Variants in RAPGEF4 observed in about 807,000 individuals in gnomAD.
RAPGEF4 encodes RAP guanine-nucleotide-exchange factor (GEF) 4.
A neutral mutation model predicts 147.9 loss-of-function variants in RAPGEF4; 66 were observed. The observed-to-expected ratio is 0.45, with a 90% CI of 0.37 to 0.55. RAPGEF4 has a LOEUF of 0.55. RAPGEF4 is among the 20% of genes least tolerant of loss of function. The pLI is 0.00. For synonymous variants in RAPGEF4, 419 were observed against 442.7 expected (o/e 0.95, Z 0.67); for missense variants, 1,071 against 1,257.3 (o/e 0.85, Z 2.24).
At chr2:172,943,683 C>CT (rs1575325949) in intron 6 of RAPGEF4, among the ~76,000 whole-genome samples, 1 of 152,352 alleles carries the variant, frequency 6.6e-6, no homozygotes, top group Non-Finnish European at 1.5e-5. Flanking sequence ...AATGGAATGG[C>CT]TTTACTCCTA....
chr2:172,966,725 C>T (rs1203339856), intron 9 of RAPGEF4, among the ~76,000 whole-genome samples: 1 of 152,192 alleles, frequency 6.6e-6, no homozygotes, highest in Non-Finnish European at 1.5e-5. Flanking sequence ...AGTATATGAT[C>T]TAGAAACCTG....
At chr2:172,865,366 A>G (rs1005900288) in intron 4 of RAPGEF4, among the ~76,000 whole-genome samples, 1 of 152,154 alleles carries the variant, frequency 6.6e-6, no homozygotes, top group African/African-American at 2.4e-5. Flanking sequence ...GCGTAGTCCA[A>G]ATAAAACCAA....
intron 4 of RAPGEF4, among the ~76,000 whole-genome samples, chr2:172,840,398 A>G (rs573846269): frequency 3.9e-5 from 6 of 152,244 alleles, no homozygotes; most frequent in Admixed American, 1.3e-4. Flanking sequence ...TTATCATAGC[A>G]GAGTACTATG....
intron 6 of RAPGEF4, among the ~76,000 whole-genome samples, chr2:172,953,633 G>C (rs1688441744): frequency 6.6e-6 from 1 of 152,026 alleles, no homozygotes; most frequent in African/African-American, 2.4e-5. Context: ...ATCCATAAAT[G>C]TTTTGTCACT....
chr2:172,923,316 T>G lies in RAPGEF4; in HGVS notation c.537+1016T>G, dbSNP rs149964285. Among the ~76,000 whole-genome samples the G allele has an allele frequency of 8.1e-4, 124 of 152,316 alleles. 1 individual carries two copies. The East Asian group carries it at 0.018, about 22-fold the overall frequency. On this transcript the variant is annotated intron_variant, in intron 6 of 30. Transcript: ENST00000397081. ...TGGAGTCTCACTCTGCCACCCAGGC[T>G]GGAGTGCAGTGGTGCAATCTCAGCT...
At chr2:172,906,664 C>T (rs1157937102) in intron 4 of RAPGEF4, among the ~76,000 whole-genome samples, 1 of 152,172 alleles carries the variant, frequency 6.6e-6, no homozygotes, top group Admixed American at 6.5e-5. Flanking sequence ...CCACTCTGGC[C>T]TGCCTGGTGG....
chr2:172,854,971 A>G (rs1693254251), intron 4 of RAPGEF4, among the ~76,000 whole-genome samples: 1 of 152,116 alleles, frequency 6.6e-6, no homozygotes. Context: ...GGCCCTCCCT[A>G]CCATGCTTAT....
chr2:172,764,608 C>T (rs1475800082), intron 1 of RAPGEF4, among the ~76,000 whole-genome samples: 1 of 152,172 alleles, frequency 6.6e-6, no homozygotes, highest in African/African-American at 2.4e-5. Flanking sequence ...AGCTGGGACT[C>T]TTCAGTTTGG....
chr2:172,866,872 G>A (rs1376205697), intron 4 of RAPGEF4, among the ~76,000 whole-genome samples: 4 of 151,742 alleles, frequency 2.6e-5, no homozygotes, highest in Admixed American at 1.3e-4. Flanking sequence ...AGTGTTTATA[G>A]TGTAAACTTT....
At chr2:172,918,026 T>A (rs768302403) in intron 5 of RAPGEF4, 152 bp downstream of exon 5, 5 of 776,978 alleles carry the variant, frequency 6.4e-6, no homozygotes, top group Non-Finnish European at 1.2e-5. Flanking sequence ...ACTGGAGATA[T>A]TTTTAAAGAA....
chr2:172,817,849 A>G (rs1688654285), intron 4 of RAPGEF4, among the ~76,000 whole-genome samples: 1 of 146,784 alleles, frequency 6.8e-6, no homozygotes, highest in Non-Finnish European at 1.5e-5. Flanking sequence ...AATGCCCATC[A>G]TTCAATGAGT....
intron 5 of RAPGEF4, among the ~76,000 whole-genome samples, chr2:172,919,846 A>G (rs1005460413): frequency 6.6e-6 from 1 of 152,062 alleles, no homozygotes; most frequent in Non-Finnish European, 1.5e-5. Flanking sequence ...GCTGGGCTCC[A>G]AACCTCAGCC....
intron 23 of RAPGEF4, among the ~76,000 whole-genome samples, chr2:173,024,124 T>C (rs1342139825): frequency 6.6e-6 from 1 of 152,212 alleles, no homozygotes; most frequent in Non-Finnish European, 1.5e-5. Flanking sequence ...GTAGAGTAAA[T>C]TGGGAGCAAC....
At chr2:173,007,252 A>G (rs1694575072) in intron 17 of RAPGEF4, among the ~76,000 whole-genome samples, 1 of 152,234 alleles carries the variant, frequency 6.6e-6, no homozygotes, top group South Asian at 2.1e-4. Flanking sequence ...TTAAAAGGAG[A>G]ATAGCCAGGA....
At chr2:172,893,061 C>T (rs554348992) in intron 4 of RAPGEF4, among the ~76,000 whole-genome samples, 7 of 152,290 alleles carry the variant, frequency 4.6e-5, no homozygotes, top group African/African-American at 1.7e-4. Flanking sequence ...TCCAAAAGCC[C>T]CCTTCTGTCG....
chr2:172,796,556 C>T (rs145683675), intron 2 of RAPGEF4, among the ~76,000 whole-genome samples: 5 of 152,182 alleles, frequency 3.3e-5, no homozygotes, highest in Admixed American at 6.5e-5. Flanking sequence ...TTGCACTCTG[C>T]GCTACTCTAG....
chr2:172,828,786 C>T (rs994125281), intron 4 of RAPGEF4, among the ~76,000 whole-genome samples: 3 of 152,138 alleles, frequency 2.0e-5, no homozygotes, highest in Admixed American at 6.5e-5. Context: ...GTCTTCAAGA[C>T]AACGCCTCCC....
chr2:172,852,248 G>A (rs1277830585), intron 4 of RAPGEF4, among the ~76,000 whole-genome samples: 1 of 152,144 alleles, frequency 6.6e-6, no homozygotes, highest in Non-Finnish European at 1.5e-5. Context: ...TACTTTCCCT[G>A]AACGTTTTCA....
chr2:172,965,411 A>T, intron 8 of RAPGEF4, 151 bp from the exon 9 acceptor site: 1 of 851,764 alleles, frequency 1.2e-6, no homozygotes, highest in Non-Finnish European at 1.9e-6. Flanking sequence ...GAGAACCTGA[A>T]GCTACCGCGT....
Sources: gnomAD v4.1 joint callset for allele counts (sites outside exome capture counted in the v4.1 genomes callset) on GRCh38, gnomAD v4.1.1 for gene constraint, MANE v1.5 for transcripts, NCBI Gene and HGNC (gene_info 2026-07-23, HGNC 2026-07-21) for gene names.